The following RAB2B variants were observed in gnomAD, a reference collection of about 807,000 sequenced individuals.
RAB2B encodes the protein ras-related protein Rab-2B.
A neutral mutation model predicts 29.8 loss-of-function variants in RAB2B; 20 were observed. The observed-to-expected ratio is 0.67, with a 90% CI of 0.47 to 0.97. The LOEUF is 0.97. Ranked by LOEUF, RAB2B falls within the 50% of genes least tolerant of loss-of-function variation. The probability of loss-of-function intolerance (pLI) is 0.00; values close to 1 mark genes in which losing one functional copy is unlikely to be tolerated. For missense variants in RAB2B, 218 were observed against 272.0 expected (o/e 0.80, Z 1.40); for synonymous variants, 93 against 91.7 (o/e 1.01, Z -0.08).
At chr14:21,467,313 C>G (rs888975050) in intron 5 of RAB2B, among the ~76,000 whole-genome samples, 1 of 151,994 alleles carries the variant, frequency 6.6e-6, no homozygotes, top group Admixed American at 6.6e-5. Context: ...CCCAAGTGAT[C>G]CTCCCACCTC....
intron 2 of RAB2B, among the ~76,000 whole-genome samples, chr14:21,475,430 C>CTGT (rs376284486): frequency 6.9e-5 from 9 of 129,508 alleles, no homozygotes; most frequent in Non-Finnish European, 9.5e-5. Flanking sequence ...AGAAACAATA[C>CTGT]TTTTTTTTTT....
Position 21,461,094 on chromosome 14 carries a change from TA to T in RAB2B, c.*101del. 2.4e-6 allele frequency: 2 copies of T among 840,122 alleles called. No individual in the cohort carries two copies. Among genetic ancestry groups the T allele is most frequent in the Non-Finnish European group, 3.8e-6 (2 of 525,302 alleles). The allele number at this position is 840,122 out of a possible 1,614,324, so 52.0% of individuals were successfully genotyped here. A position where few individuals can be genotyped will look rare whatever the true frequency, so the allele number is the denominator to read the frequency against. On this transcript the variant is annotated 3_prime_UTR_variant, in exon 8 of 8. Coordinates refer to ENST00000397762, the MANE Select transcript of RAB2B (RefSeq NM_032846.4). ...GGTGGAAAGGCAAAACATCACACTT[TA>T]AAAAGAGGCTGCTCTCAGCCAAAGC... is the stretch of plus-strand genomic sequence containing the variant.
intron 3 of RAB2B, among the ~76,000 whole-genome samples, chr14:21,470,530 T>C (rs1890783301): frequency 1.3e-5 from 2 of 152,178 alleles, no homozygotes; most frequent in African/African-American, 4.8e-5. Flanking sequence ...GTGAGTTGCA[T>C]AGCTGTTAGA....
chr14:21,460,360 G>C lies in RAB2B; in HGVS notation c.*836C>G, dbSNP rs768966116. On this transcript the variant is annotated 3_prime_UTR_variant, in exon 8 of 8. Transcript: ENST00000397762. ...CCAGCACTTTGGGAGGCCAAGGTGG[G>C]CGGATCACGAGGTCAAGAGATCAAG... 1 of 501,614 alleles carries C rather than the reference G, an allele frequency of 2.0e-6. No individual in the cohort carries two copies. The highest frequency in any genetic ancestry group is 2.0e-5 in the African/African-American group (1 of 51,162). The allele number at this position is 501,614 out of a possible 1,614,324, so 31.1% of individuals were successfully genotyped here.
intron 7 of RAB2B, among the ~76,000 whole-genome samples, chr14:21,461,637 T>G (rs1199910527): frequency 6.6e-6 from 1 of 152,134 alleles, no homozygotes; most frequent in East Asian, 1.9e-4. Flanking sequence ...GCAGTGGCTA[T>G]TCACAGTATG....
chr14:21,476,360 C>G (rs900075079), intron 2 of RAB2B, 168 bp downstream of exon 2: 3 of 672,006 alleles, frequency 4.5e-6, no homozygotes, highest in African/African-American at 3.6e-5. Context: ...TACACTACTC[C>G]CCACATATCA....
At chr14:21,474,046 C>T (rs1890885844) in intron 3 of RAB2B, among the ~76,000 whole-genome samples, 1 of 151,932 alleles carries the variant, frequency 6.6e-6, no homozygotes, top group African/African-American at 2.4e-5. Flanking sequence ...AAAACATTAG[C>T]CACGTGTGGT....
intron 3 of RAB2B, among the ~76,000 whole-genome samples, chr14:21,470,911 A>G (rs1890792578): frequency 6.7e-6 from 1 of 150,060 alleles, no homozygotes; most frequent in African/African-American, 2.5e-5. Context: ...GCACTTTGGG[A>G]GGCCAAGGCG....
Position 21,461,277 on chromosome 14 carries a change from T to C in RAB2B, c.570A>G (p.Gln190=), listed in dbSNP as rs751196214. Residue 190 remains glutamine, a synonymous_variant, in exon 8 of 8, where the codon CAA becomes CAG. Coordinates refer to ENST00000397762, the MANE Select transcript of RAB2B (RefSeq NM_032846.4). ...GTCCCACTGATGTTGAAATTGACTG[T>C]TGGGGCCCAATCTTGATGCCATTTG... ...NEANGIKIGP[Q]QSISTSVGPS... 5 of 1,613,712 alleles carry C rather than the reference T, an allele frequency of 3.1e-6. No homozygotes were observed. The highest frequency in any genetic ancestry group is 4.2e-6 in the Non-Finnish European group (5 of 1,179,786).
At chr14:21,469,054 A>G (rs1188790158) in intron 3 of RAB2B, among the ~76,000 whole-genome samples, 1 of 150,566 alleles carries the variant, frequency 6.6e-6, no homozygotes, top group Non-Finnish European at 1.5e-5. Context: ...GTGGCACCCC[A>G]GTCAGCACGA....
At chr14:21,462,895 C>T (rs1449577135) in intron 6 of RAB2B, among the ~76,000 whole-genome samples, 1 of 150,692 alleles carries the variant, frequency 6.6e-6, no homozygotes, top group Non-Finnish European at 1.5e-5. Context: ...CCCCAAATGT[C>T]CTTGTAAAAG....
At chr14:21,476,697 C>T in intron 1 of RAB2B, 98 bp from the exon 2 acceptor site, 1 of 1,597,754 alleles carries the variant, frequency 6.3e-7, no homozygotes, top group Non-Finnish European at 8.6e-7. Flanking sequence ...CGAGCCCCGC[C>T]CCCGGCCGCC....
At chr14:21,476,418 T>C in intron 2 of RAB2B, 110 bp downstream of exon 2, 4 of 1,180,064 alleles carry the variant, frequency 3.4e-6, no homozygotes, top group Middle Eastern at 4.3e-4. Context: ...TAGTTTAAAG[T>C]AGTGAGGGGT....
intron 5 of RAB2B, among the ~76,000 whole-genome samples, chr14:21,467,859 G>T (rs1426046700): frequency 3.3e-5 from 5 of 152,296 alleles, no homozygotes; most frequent in African/African-American, 1.2e-4. Context: ...TGCATACAAT[G>T]AATATTACTC....
intron 3 of RAB2B, among the ~76,000 whole-genome samples, chr14:21,473,165 T>C (rs551291199): frequency 7.2e-5 from 11 of 152,052 alleles, no homozygotes; most frequent in Admixed American, 1.3e-4. Context: ...GTGAGGAGCA[T>C]TGGGGAGGGA....
At chr14:21,461,389 G>A in intron 7 of RAB2B, 86 bp from the exon 8 acceptor site, 6 of 822,792 alleles carry the variant, frequency 7.3e-6, no homozygotes, top group South Asian at 1.8e-5. Flanking sequence ...TGTATCCCAG[G>A]GTAGAAAGAA....
intron 4 of RAB2B, 40 bp downstream of exon 4, chr14:21,468,630 T>C (rs1283701860): frequency 1.4e-6 from 2 of 1,472,906 alleles, no homozygotes; most frequent in South Asian, 2.6e-5. Flanking sequence ...TTAGAGGATT[T>C]AGGGAAGAAT....
intron 5 of RAB2B, among the ~76,000 whole-genome samples, chr14:21,467,443 C>A (rs1322962271): frequency 2.0e-5 from 3 of 152,140 alleles, no homozygotes; most frequent in Admixed American, 2.0e-4. Context: ...TGCGCCTGGC[C>A]TTTTTATTTT....
At chr14:21,463,072 A>G (rs1267678496) in intron 6 of RAB2B, among the ~76,000 whole-genome samples, 1 of 152,046 alleles carries the variant, frequency 6.6e-6, no homozygotes, top group Non-Finnish European at 1.5e-5. Context: ...AGTAGAACCC[A>G]TTAGACACTC....
Sources: gnomAD v4.1 joint callset for allele counts (sites outside exome capture counted in the v4.1 genomes callset) on GRCh38, gnomAD v4.1.1 for gene constraint, MANE v1.5 for transcripts, NCBI Gene and HGNC (gene_info 2026-07-23, HGNC 2026-07-21) for gene names.